Variants in TTK observed in about 807,000 individuals in gnomAD.
TTK encodes the protein dual specificity protein kinase TTK.
Under a neutral mutation model 117.3 loss-of-function variants are expected in TTK, and 59 were observed. The ratio of observed to expected loss-of-function variants is 0.50; its 90% confidence interval spans 0.41 to 0.62. The LOEUF (loss-of-function observed/expected upper bound fraction) is 0.62, where lower values mean the gene tolerates loss of function less well. TTK is among the 20% of genes least tolerant of loss of function. The probability of loss-of-function intolerance (pLI) is 0.00; values close to 1 mark genes in which losing one functional copy is unlikely to be tolerated. For missense variants in TTK, 921 were observed against 989.4 expected (o/e 0.93, Z 0.93); for synonymous variants, 302 against 325.0 (o/e 0.93, Z 0.76).
In TTK at chr6:80,031,559, G is replaced by A; in HGVS notation, c.1614G>A (p.Lys538=). ...AGATAGGAAGTGGAGGTTCAAGCAA[G>A]GTAAGTATCTTAAAATATTTACGAA... ...LKQIGSGGSS[K]VFQVLNEKKQ... is the part of the protein sequence containing the mutation. Residue 538 remains lysine (K), a splice_region_variant and synonymous_variant, in exon 14 of 22, where the codon AAG becomes AAA. Coordinates refer to ENST00000369798, the MANE Select transcript of TTK (RefSeq NM_003318.5). 6.7e-7 allele frequency: 1 copy of A among 1,493,442 alleles called. No individual in the cohort carries two copies. The allele number at this position is 1,493,442 out of a possible 1,614,324, so 92.5% of individuals were successfully genotyped here.
chr6:80,032,183 A>G (rs942576468), intron 14 of TTK, among the ~76,000 whole-genome samples: 1 of 152,136 alleles, frequency 6.6e-6, no homozygotes, highest in Admixed American at 6.6e-5. Flanking sequence ...AAGAACACTA[A>G]TGACCTCCAT....
chr6:80,016,904 A>G (rs957460391), intron 10 of TTK, among the ~76,000 whole-genome samples: 3 of 152,228 alleles, frequency 2.0e-5, no homozygotes, highest in Non-Finnish European at 4.4e-5. Context: ...AATCTTTAAA[A>G]GCAGGAAAAT....
At chr6:80,020,917 C>A (rs1767442006) in intron 10 of TTK, among the ~76,000 whole-genome samples, 1 of 152,206 alleles carries the variant, frequency 6.6e-6, no homozygotes, top group African/African-American at 2.4e-5. Context: ...GCATTCCAAA[C>A]CCATCCCCAA....
At chr6:80,030,484 A>G (rs75291258) in intron 13 of TTK, among the ~76,000 whole-genome samples, 6,134 of 152,240 alleles carry the variant, frequency 0.04, 172 homozygotes, top group South Asian at 0.11. Context: ...TAATTGGCTA[A>G]TGGTTCCACA....
chr6:80,038,335 T>C (rs1767961651), intron 18 of TTK, among the ~76,000 whole-genome samples: 1 of 152,198 alleles, frequency 6.6e-6, no homozygotes, highest in Non-Finnish European at 1.5e-5. Context: ...TGCGTTAGCC[T>C]CATGGGTGCC....
At chr6:80,016,308 T>G (rs1246483924) in intron 10 of TTK, among the ~76,000 whole-genome samples, 1 of 152,210 alleles carries the variant, frequency 6.6e-6, no homozygotes, top group African/African-American at 2.4e-5. Flanking sequence ...GTCTGAAAAG[T>G]GGTTGTGCTA....
At chr6:80,009,883 T>C (rs1423585272) in intron 4 of TTK, among the ~76,000 whole-genome samples, 1 of 152,066 alleles carries the variant, frequency 6.6e-6, no homozygotes, top group Admixed American at 6.6e-5. Context: ...AAATCTCTGA[T>C]CTCAATACTA....
chr6:80,007,702 A>G (rs1037501841), intron 2 of TTK, 107 bp from the exon 3 acceptor site: 2 of 820,600 alleles, frequency 2.4e-6, no homozygotes, highest in South Asian at 2.1e-5. Flanking sequence ...GACTTTATGT[A>G]CATTGATACT....
At chr6:80,039,997 A>G (rs1205706067) in intron 19 of TTK, 125 bp downstream of exon 19, 18 of 1,027,700 alleles carry the variant, frequency 1.8e-5, no homozygotes, top group Admixed American at 3.7e-5. Flanking sequence ...TAGTTTTTTT[A>G]CTTTGAAGAT....
chr6:80,037,873 TAATAATAATA>T (rs1454306156), intron 17 of TTK, 84 bp from the exon 18 acceptor site: 24 of 307,016 alleles, frequency 7.8e-5, no homozygotes, highest in African/African-American at 5.8e-4. Flanking sequence ...AGTATAATAA[TAATAATAATA>T]ATAATAATAA....
chr6:80,040,844 A>G (rs966550953), intron 21 of TTK, 141 bp downstream of exon 21: 2 of 669,606 alleles, frequency 3.0e-6, no homozygotes, highest in Non-Finnish European at 2.5e-6. Context: ...GATACTTAAC[A>G]TGTGCATTTT....
intron 19 of TTK, 69 bp downstream of exon 19, chr6:80,039,941 CTG>C: frequency 7.9e-7 from 1 of 1,258,018 alleles, no homozygotes; most frequent in Non-Finnish European, 1.1e-6. Flanking sequence ...AATTATGTAA[CTG>C]GCTTAGATAT....
At chr6:80,010,175 G>T (rs1159994165) in intron 4 of TTK, among the ~76,000 whole-genome samples, 1 of 151,886 alleles carries the variant, frequency 6.6e-6, no homozygotes, top group Non-Finnish European at 1.5e-5. Context: ...AATGCTAGGG[G>T]TAAGTTTACC....
rs975093444 is a variant in TTK at position 80,035,386 on chromosome 6, G to A, written c.1893G>A (p.Met631Ile). The change falls in exon 16 of 22, where the codon ATG becomes ATA. Residue 631 changes from methionine (M) to isoleucine (I), a missense_variant. Physicochemically the swap from Met to Ile is conservative, Grantham distance 10. Coordinates refer to ENST00000369798, the MANE Select transcript of TTK (RefSeq NM_003318.5). ...PWERKSYWKN[M>I]LEAVHTIHQH... The stretch of plus-strand genomic sequence containing the variant: ...AACGCAAGAGTTACTGGAAAAATAT[G>A]TTAGAGGCAGTTCACACAATCCATC... 1 of 1,609,120 alleles carries A rather than the reference G, an allele frequency of 6.2e-7. No homozygotes were observed. The highest frequency in any genetic ancestry group is 8.5e-7 in the Non-Finnish European group (1 of 1,178,380).
At chr6:80,008,320 A>G in intron 3 of TTK, 66 bp from the exon 4 acceptor site, 1 of 1,459,648 alleles carries the variant, frequency 6.9e-7, no homozygotes, top group South Asian at 1.3e-5. Context: ...AAATTGAATG[A>G]AGCATTATCA....
rs542457841 is a variant in TTK at position 80,014,716 on chromosome 6, G to T, written c.1108+130G>T. On this transcript the variant is annotated intron_variant, in intron 10 of 21. Transcript: ENST00000369798. The stretch of plus-strand genomic sequence containing the variant: ...CTATGTTCTTTTATCTTGAATTTCC[G>T]TTCAGTTATATAGGGTATATGAAAA... The T allele has an allele frequency of 4.0e-6, 4 of 991,256 alleles. No homozygotes were observed. The African/African-American group carries it at 5.0e-5, about 12-fold the overall frequency. The allele number at this position is 991,256 out of a possible 1,614,324, so 61.4% of individuals were successfully genotyped here. A position where few individuals can be genotyped will look rare whatever the true frequency, so the allele number is the denominator to read the frequency against.
At chr6:80,032,932 TTAAGC>T (rs1207533937) in intron 14 of TTK, among the ~76,000 whole-genome samples, 1 of 152,200 alleles carries the variant, frequency 6.6e-6, no homozygotes, top group East Asian at 1.9e-4. Context: ...TATGAAATGA[TTAAGC>T]TAATTAACAT....
At chr6:80,028,973 C>T (rs989812615) in intron 13 of TTK, among the ~76,000 whole-genome samples, 48 of 152,098 alleles carry the variant, frequency 3.2e-4, no homozygotes, top group Non-Finnish European at 5.4e-4. Context: ...AGCTAACTAC[C>T]TCCTAGGATG....
At chr6:80,032,826 C>T (rs1432195951) in intron 14 of TTK, among the ~76,000 whole-genome samples, 1 of 152,154 alleles carries the variant, frequency 6.6e-6, no homozygotes, top group African/African-American at 2.4e-5. Context: ...TTACTCAGTC[C>T]TTGCCCTCCT....
Sources: gnomAD v4.1 joint callset for allele counts (sites outside exome capture counted in the v4.1 genomes callset) on GRCh38, gnomAD v4.1.1 for gene constraint, MANE v1.5 for transcripts, NCBI Gene and HGNC (gene_info 2026-07-23, HGNC 2026-07-21) for gene names.